The following SERPINE2 variants were observed in gnomAD, a reference collection of about 807,000 sequenced individuals.
SERPINE2 encodes the protein serpin family E member 2, also known as glia-derived nexin.
SERPINE2 carries 14 observed loss-of-function variants against 36.3 expected under a neutral mutation model. The ratio of observed to expected loss-of-function variants is 0.39; its 90% CI spans 0.25 to 0.60. The LOEUF is 0.60. Ranked by LOEUF, SERPINE2 falls within the 20% of genes least tolerant of loss-of-function variation. The pLI, the probability that SERPINE2 is intolerant of heterozygous loss-of-function variation, is 0.57. For synonymous variants in SERPINE2, 192 were observed against 191.8 expected (o/e 1.00, Z -0.01); for missense variants, 418 against 499.6 (o/e 0.84, Z 1.56).
chr2:223,975,794 G>A lies in SERPINE2; in HGVS notation c.*73C>T, dbSNP rs1043149044. On this transcript the variant is annotated 3_prime_UTR_variant, in exon 9 of 9. Transcript: ENST00000409304. ...GTACAAAAATATTTAACAGAACTAT[G>A]AAAGATGCAGGAAAGGAGTCTTTCT... 1.6e-6 allele frequency: 2 copies of A among 1,244,260 alleles called. No homozygotes were observed. The highest frequency in any genetic ancestry group is 2.1e-5 in the Admixed American group (1 of 47,654). 77.1% of individuals were successfully genotyped at this position (1,244,260 alleles called of 1,614,324 possible).
Position 224,013,367 on chromosome 2 carries a change from C to T in SERPINE2, c.-22-11445G>A, listed in dbSNP as rs78129586. Among the ~76,000 whole-genome samples the T allele has an allele frequency of 2.8e-3, 425 of 152,292 alleles. 5 individuals are homozygous for T. The highest frequency in any genetic ancestry group is 0.01 in the African/African-American group (421 of 41,550). On this transcript the variant is annotated intron_variant, in intron 1 of 8. Coordinates refer to ENST00000409304, the MANE Select transcript of SERPINE2 (RefSeq NM_001136528.2). ...GGCCTCCCAGCAGACAGGACAGGCC[C>T]TCCTTCAGGTGGCCTTTCTGGGGTG...
In SERPINE2 at chr2:224,001,653, TA is replaced by T. The variant is rs1181472641; in HGVS notation, c.247del (p.Tyr83ThrfsTer3). The T allele has an allele frequency of 6.2e-7, 1 of 1,613,712 alleles. No individual in the cohort carries two copies. Among genetic ancestry groups the T allele is most frequent in the Non-Finnish European group, 8.5e-7 (1 of 1,179,974 alleles). On this transcript the variant is annotated frameshift_variant, in exon 2 of 9. Coordinates refer to ENST00000409304, the MANE Select transcript of SERPINE2 (RefSeq NM_001136528.2). LOFTEE classifies it high-confidence loss of function. The stretch of plus-strand genomic sequence containing the variant: ...TTGTGCACACGCACCATTTACGCCG[TA>T]TCTCATCACCATGGCGAGCTGCTTC... The part of the protein sequence containing the change: ...TKKQLAMVMR[Y>X]GVNGVGKILK...
At chr2:224,030,679 C>T (rs1692333293) in intron 1 of SERPINE2, 2 of 152,352 alleles carry the variant, frequency 1.3e-5, no homozygotes, top group African/African-American at 4.8e-5. Context: ...AAGGAGGAAA[C>T]ACATATTTTA....
At chr2:223,982,867 C>A in intron 5 of SERPINE2, 86 bp from the exon 6 acceptor site, 1 of 912,928 alleles carries the variant, frequency 1.1e-6, no homozygotes, top group South Asian at 1.6e-5. Flanking sequence ...CAAACTGATT[C>A]TTTTAAAGTT....
intron 1 of SERPINE2, among the ~76,000 whole-genome samples, chr2:224,031,967 A>G (rs189598765): frequency 6.6e-6 from 1 of 152,184 alleles, no homozygotes; most frequent in African/African-American, 2.4e-5. Flanking sequence ...TCAGGGCCAG[A>G]GTCACCTCTC....
At chr2:224,037,045 A>G (rs1034724139) in intron 1 of SERPINE2, among the ~76,000 whole-genome samples, 2 of 152,116 alleles carry the variant, frequency 1.3e-5, no homozygotes, top group African/African-American at 4.8e-5. Context: ...TTTATCATAC[A>G]TTTTACAACA....
At chr2:224,016,888 G>A (rs1474599920) in intron 1 of SERPINE2, among the ~76,000 whole-genome samples, 3 of 152,220 alleles carry the variant, frequency 2.0e-5, no homozygotes, top group Admixed American at 6.5e-5. Context: ...TGCATAGTGT[G>A]TAATTCCATG....
rs889433268 is a variant in SERPINE2, at chr2:223,975,862, A to G, written c.*5T>C. 6.3e-7 allele frequency: 1 copy of G among 1,580,562 alleles called. No homozygotes were observed. Among genetic ancestry groups the G allele is most frequent in the South Asian group, 1.2e-5 (1 of 84,540 alleles). On this transcript the variant is annotated 3_prime_UTR_variant, in exon 9 of 9. Coordinates refer to ENST00000409304, the MANE Select transcript of SERPINE2 (RefSeq NM_001136528.2). ...TTGCTTTGCATGGTTTCTTTTGTAT[A>G]CTCTTCAGGGTTTGTTTATCTGCCC... is the stretch of plus-strand genomic sequence containing the variant.
At chr2:223,979,463 G>A (rs1356579575) in intron 7 of SERPINE2, 2 of 152,202 alleles carry the variant, frequency 1.3e-5, no homozygotes, top group Non-Finnish European at 2.9e-5. Context: ...CATCTATTGT[G>A]AGTATAACTG....
chr2:224,027,004 G>A (rs1224899165), intron 1 of SERPINE2, among the ~76,000 whole-genome samples: 1 of 152,198 alleles, frequency 6.6e-6, no homozygotes, highest in Non-Finnish European at 1.5e-5. Context: ...AAAGGATTTA[G>A]TGGAGAGTCA....
chr2:223,993,112 G>C (rs1690737264), intron 3 of SERPINE2, among the ~76,000 whole-genome samples: 1 of 135,680 alleles, frequency 7.4e-6, no homozygotes, highest in Admixed American at 8.4e-5. Context: ...GTGACAGAAT[G>C]AGACCCTGTC....
At chr2:223,983,142 T>C (rs191761128) in intron 5 of SERPINE2, among the ~76,000 whole-genome samples, 2 of 152,348 alleles carry the variant, frequency 1.3e-5, no homozygotes, top group East Asian at 3.9e-4. Context: ...CTATTATTCT[T>C]CCCCATATCC....
At chr2:223,989,627 T>C (rs751495892) in intron 4 of SERPINE2, among the ~76,000 whole-genome samples, 10 of 152,198 alleles carry the variant, frequency 6.6e-5, no homozygotes, top group Non-Finnish European at 1.2e-4. Flanking sequence ...AGGGAACTTA[T>C]GACACTCTCA....
At chr2:223,989,019 T>C (rs906803043) in intron 4 of SERPINE2, among the ~76,000 whole-genome samples, 8 of 152,212 alleles carry the variant, frequency 5.3e-5, no homozygotes, top group Non-Finnish European at 8.8e-5. Flanking sequence ...TGATACTTAA[T>C]AGGGAATTTT....
chr2:224,010,135 T>C (rs111802360), intron 1 of SERPINE2, among the ~76,000 whole-genome samples: 2,350 of 152,308 alleles, frequency 0.015, 50 homozygotes, highest in African/African-American at 0.053. Context: ...ACTCAGCATC[T>C]TTAAAATTTA....
chr2:224,001,147 G>C (rs1691103137), intron 2 of SERPINE2, among the ~76,000 whole-genome samples: 1 of 152,108 alleles, frequency 6.6e-6, no homozygotes, highest in Non-Finnish European at 1.5e-5. Flanking sequence ...TCCTGTTGTG[G>C]GCTTGGGGAG....
chr2:223,986,660 G>C (rs547642524), intron 4 of SERPINE2, among the ~76,000 whole-genome samples: 5 of 152,160 alleles, frequency 3.3e-5, no homozygotes, highest in Non-Finnish European at 7.3e-5. Context: ...TTCTAGAAAT[G>C]TTTACTATTT....
At chr2:224,007,578 C>T (rs1366173838) in intron 1 of SERPINE2, among the ~76,000 whole-genome samples, 1 of 152,128 alleles carries the variant, frequency 6.6e-6, no homozygotes. Context: ...AATAGATATC[C>T]ATGACATCAT....
chr2:224,032,620 C>T (rs1158364643), intron 1 of SERPINE2, among the ~76,000 whole-genome samples: 1 of 152,122 alleles, frequency 6.6e-6, no homozygotes, highest in Admixed American at 6.6e-5. Context: ...TATTATTCTT[C>T]AAAGAATTAA....
Sources: gnomAD v4.1 joint callset for allele counts (sites outside exome capture counted in the v4.1 genomes callset) on GRCh38, gnomAD v4.1.1 for gene constraint, MANE v1.5 for transcripts, NCBI Gene and HGNC (gene_info 2026-07-23, HGNC 2026-07-21) for gene names.